Variants in GRID2 observed in about 807,000 individuals in gnomAD.
The protein encoded by GRID2 is glutamate receptor ionotropic, delta-2.
In GRID2, 33 loss-of-function variants were observed where a neutral mutation model predicts 114.8. The observed-to-expected ratio is 0.29, with a 90% CI of 0.22 to 0.38. GRID2 has a LOEUF of 0.38. Among genes scored for constraint, GRID2 ranks in the 10% least tolerant of loss-of-function variants. GRID2 has a pLI of 1.00. For synonymous variants in GRID2, 505 were observed against 449.9 expected (o/e 1.12, Z -1.55); for missense variants, 1,184 against 1,257.7 (o/e 0.94, Z 0.89).
At chr4:93,099,764 C>T (rs966514817) in intron 3 of GRID2, among the ~76,000 whole-genome samples, 1 of 151,836 alleles carries the variant, frequency 6.6e-6, no homozygotes, top group Admixed American at 6.6e-5. Context: ...TCTTTACTTA[C>T]AATTTAATTG....
Position 92,777,763 on chromosome 4 carries a change from A to G in GRID2, c.244+187477A>G, listed in dbSNP as rs981868310. Among the ~76,000 whole-genome samples the G allele has an allele frequency of 5.3e-5, 8 of 150,522 alleles. No homozygotes were observed. In the East Asian group the frequency reaches 1.4e-3, roughly 26 times the overall value. On this transcript the variant is annotated intron_variant, in intron 2 of 15. Coordinates refer to ENST00000282020, the MANE Select transcript of GRID2 (RefSeq NM_001510.4). ...AAAAAAAAAAAAAAGCCATGTGAGG[A>G]CACAGTGAAAGTGGCCATCTGCAAG...
chr4:93,794,344 G>A (rs895419654), intron 1 of GRID2, among the ~76,000 whole-genome samples: 1 of 152,170 alleles, frequency 6.6e-6, no homozygotes, highest in African/African-American at 2.4e-5. Flanking sequence ...CGTTACAAAT[G>A]GGACACAGAC....
intron 13 of GRID2, among the ~76,000 whole-genome samples, chr4:93,615,268 A>G (rs899656660): frequency 6.6e-6 from 1 of 152,174 alleles, no homozygotes; most frequent in Non-Finnish European, 1.5e-5. Context: ...TGCATCTATA[A>G]ATTCATCATA....
chr4:92,940,083 T>C (rs1268872903), intron 2 of GRID2, among the ~76,000 whole-genome samples: 1 of 147,080 alleles, frequency 6.8e-6, no homozygotes, highest in East Asian at 2.2e-4. Context: ...TTTAAAGTAG[T>C]TTTTTCCAAT....
At chr4:92,704,767 C>T (rs1239185677) in intron 2 of GRID2, among the ~76,000 whole-genome samples, 16 of 113,990 alleles carry the variant, frequency 1.4e-4, no homozygotes, top group African/African-American at 4.8e-4. Flanking sequence ...CCCTCTCTGC[C>T]CCTCCCTCCC....
At chr4:92,776,962 T>C (rs2149355967) in intron 2 of GRID2, among the ~76,000 whole-genome samples, 1 of 152,098 alleles carries the variant, frequency 6.6e-6, no homozygotes, top group South Asian at 2.1e-4. Context: ...TGTGAAATAA[T>C]TTTATCACAT....
At chr4:93,345,246 T>C (rs1760100915) in intron 8 of GRID2, among the ~76,000 whole-genome samples, 1 of 152,106 alleles carries the variant, frequency 6.6e-6, no homozygotes, top group African/African-American at 2.4e-5. Flanking sequence ...TTTTCTATAA[T>C]AGCTATACTA....
chr4:92,896,684 A>G (rs1443368127), intron 2 of GRID2, among the ~76,000 whole-genome samples: 1 of 152,140 alleles, frequency 6.6e-6, no homozygotes, highest in Non-Finnish European at 1.5e-5. Flanking sequence ...AGAAGTTTAA[A>G]AGCAGATTCA....
At chr4:92,534,237 G>C (rs1378834584) in intron 1 of GRID2, among the ~76,000 whole-genome samples, 3 of 152,044 alleles carry the variant, frequency 2.0e-5, no homozygotes, top group Admixed American at 2.0e-4. Flanking sequence ...TTCAAAGAAA[G>C]TCTATCCTCT....
intron 2 of GRID2, among the ~76,000 whole-genome samples, chr4:92,681,756 A>T (rs1487273122): frequency 2.0e-5 from 3 of 152,214 alleles, no homozygotes; most frequent in African/African-American, 7.2e-5. Flanking sequence ...TTTTCTAAAA[A>T]TTAAGTAACA....
At chr4:92,656,161 A>G (rs1320301903) in intron 2 of GRID2, among the ~76,000 whole-genome samples, 1 of 151,776 alleles carries the variant, frequency 6.6e-6, no homozygotes, top group East Asian at 1.9e-4. Flanking sequence ...TAGCAAGAGT[A>G]TACAAGGGTT....
intron 2 of GRID2, among the ~76,000 whole-genome samples, chr4:92,635,836 T>C (rs1452688796): frequency 6.6e-6 from 1 of 152,110 alleles, no homozygotes; most frequent in Non-Finnish European, 1.5e-5. Flanking sequence ...TACTAGAGTT[T>C]ATTGCATCTG....
intron 2 of GRID2, among the ~76,000 whole-genome samples, chr4:92,926,507 G>T (rs1749818791): frequency 6.6e-6 from 1 of 151,742 alleles, no homozygotes; most frequent in African/African-American, 2.4e-5. Context: ...TCTAAACAAG[G>T]CATATAAATA....
exon 2 of GRID2, chr4:93,808,773 T>C (rs1735079096): frequency 6.6e-6 from 1 of 152,130 alleles, no homozygotes; most frequent in Non-Finnish European, 1.5e-5. Context: ...ACTACTGCAG[T>C]GGTTCAGGGA....
chr4:93,481,118 A>G (rs1243300813), intron 11 of GRID2, among the ~76,000 whole-genome samples: 1 of 152,050 alleles, frequency 6.6e-6, no homozygotes, highest in Non-Finnish European at 1.5e-5. Flanking sequence ...GTAAACTTTT[A>G]TAAGTGGGCT....
intron 3 of GRID2, among the ~76,000 whole-genome samples, chr4:93,092,058 C>A (rs892800970): frequency 2.9e-4 from 44 of 152,096 alleles, no homozygotes; most frequent in African/African-American, 9.9e-4. Flanking sequence ...CAAGCAGCCT[C>A]ACTAAGGTAT....
intron 8 of GRID2, among the ~76,000 whole-genome samples, chr4:93,377,569 C>A (rs1422086561): frequency 6.6e-6 from 1 of 152,140 alleles, no homozygotes; most frequent in Non-Finnish European, 1.5e-5. Flanking sequence ...CCAGAAGTTG[C>A]TCTGATCGTG....
chr4:92,433,977 C>T (rs1732603961), intron 1 of GRID2, among the ~76,000 whole-genome samples: 2 of 152,200 alleles, frequency 1.3e-5, no homozygotes, highest in African/African-American at 4.8e-5. Flanking sequence ...ATATACTTTA[C>T]ACAGTGGGAT....
chr4:92,531,587 C>T (rs1725358609), intron 1 of GRID2, among the ~76,000 whole-genome samples: 1 of 151,956 alleles, frequency 6.6e-6, no homozygotes, highest in Non-Finnish European at 1.5e-5. Context: ...TGTTGAAATA[C>T]TAACTACATT....
Sources: allele counts gnomAD v4.1 joint callset (sites outside exome capture counted in the v4.1 genomes callset), GRCh38; gene constraint gnomAD v4.1.1; transcripts MANE v1.5; gene names NCBI Gene and HGNC (gene_info 2026-07-23, HGNC 2026-07-21).